Variants in CCDC80 observed in about 807,000 individuals in gnomAD.
The protein encoded by CCDC80 is coiled-coil domain containing 80.
Under a neutral mutation model 78.7 loss-of-function variants are expected in CCDC80, and 49 were observed. That is an observed-to-expected ratio of 0.62 (90% CI 0.50 to 0.79). CCDC80 has a LOEUF of 0.79. Ranked by LOEUF, CCDC80 falls within the 30% of genes least tolerant of loss-of-function variation. The probability of loss-of-function intolerance (pLI) is 0.00; values close to 1 mark genes in which losing one functional copy is unlikely to be tolerated. For synonymous variants in CCDC80, 488 were observed against 447.0 expected (o/e 1.09, Z -1.16); for missense variants, 1,205 against 1,198.6 (o/e 1.01, Z -0.08).
At chr3:112,627,599 T>G (rs963959435) in intron 3 of CCDC80, among the ~76,000 whole-genome samples, 1 of 152,208 alleles carries the variant, frequency 6.6e-6, no homozygotes, top group Non-Finnish European at 1.5e-5. Context: ...GATTTCCAGC[T>G]GAAAGTCAGT....
In CCDC80 at chr3:112,603,701, C is replaced by T. The variant is rs1378231087; in HGVS notation, c.*1716G>A. ...AGATTAATATTTTCGTGCCTGCTAA[C>T]ACAATACCTATTGTGCAGCACAGGA... is the stretch of plus-strand genomic sequence containing the variant. On this transcript the variant is annotated 3_prime_UTR_variant, in exon 8 of 8. Transcript: ENST00000206423. 6.6e-6 allele frequency: 1 copy of T among 151,762 alleles called. No individual in the cohort carries two copies. Among genetic ancestry groups the T allele is most frequent in the Non-Finnish European group, 1.5e-5 (1 of 67,980 alleles). 9.4% of individuals were successfully genotyped at this position (151,762 alleles called of 1,614,324 possible).
intron 3 of CCDC80, among the ~76,000 whole-genome samples, chr3:112,619,855 T>C (rs965769944): frequency 6.6e-6 from 1 of 152,232 alleles, no homozygotes; most frequent in Non-Finnish European, 1.5e-5. Flanking sequence ...GCAACTTGTA[T>C]GTCAGGAAAG....
chr3:112,626,631 T>C (rs2107487228), intron 3 of CCDC80, among the ~76,000 whole-genome samples: 1 of 152,260 alleles, frequency 6.6e-6, no homozygotes, highest in Admixed American at 6.5e-5. Context: ...CACTGCAACC[T>C]CTGCCTCCCA....
intron 6 of CCDC80, among the ~76,000 whole-genome samples, chr3:112,609,306 T>C (rs540911053): frequency 6.9e-4 from 105 of 152,298 alleles, no homozygotes; most frequent in South Asian, 1.0e-3. Context: ...AATAAAAATG[T>C]TTGGTAAATA....
At position 112,638,583 on chromosome 3, in the gene CCDC80, G is replaced by A; in HGVS notation, c.1323C>T (p.Ser441=). The A allele has an allele frequency of 1.9e-6, 3 of 1,614,074 alleles. No individual in the cohort carries two copies. The highest frequency in any genetic ancestry group is 1.7e-5 in the Admixed American group (1 of 60,018). The part of the protein sequence containing the change: ...RRPSKATSLE[S]FTNAPPTTIS... ...TGGTGGTGGGAGGGGCATTTGTGAA[G>A]CTCTCCAAGCTGGTGGCCTTGCTGG... The change falls in exon 2 of 8, where the codon AGC becomes AGT. Residue 441 remains serine, a synonymous_variant. Coordinates refer to ENST00000206423, the MANE Select transcript of CCDC80 (RefSeq NM_199511.3).
intron 2 of CCDC80, among the ~76,000 whole-genome samples, chr3:112,635,077 T>C (rs752479963): frequency 8.5e-5 from 13 of 152,204 alleles, no homozygotes; most frequent in Non-Finnish European, 1.6e-4. Context: ...ATAGGACACC[T>C]GGCTCCACCT....
At chr3:112,614,463 C>T (rs1935691998) in intron 5 of CCDC80, among the ~76,000 whole-genome samples, 2 of 152,034 alleles carry the variant, frequency 1.3e-5, no homozygotes, top group South Asian at 2.1e-4. Context: ...TTTCAATTAT[C>T]GTCATCTGGA....
chr3:112,613,467 G>T (rs998526322), intron 5 of CCDC80, among the ~76,000 whole-genome samples: 1 of 151,932 alleles, frequency 6.6e-6, no homozygotes, highest in African/African-American at 2.4e-5. Flanking sequence ...TAGTACAAAA[G>T]ACTTTATAAT....
chr3:112,621,546 A>G (rs982678933), intron 3 of CCDC80, among the ~76,000 whole-genome samples: 1 of 152,172 alleles, frequency 6.6e-6, no homozygotes, highest in Non-Finnish European at 1.5e-5. Context: ...ATGTGCCACT[A>G]AGGTTTGTGG....
chr3:112,603,101 A>G lies in CCDC80; in HGVS notation c.*2316T>C, dbSNP rs1239953353. 1.3e-5 allele frequency: 2 copies of G among 152,216 alleles called. No homozygotes were observed. Among genetic ancestry groups the G allele is most frequent in the African/African-American group, 4.8e-5 (2 of 41,444 alleles). 9.4% of individuals were successfully genotyped at this position (152,216 alleles called of 1,614,324 possible). A position where few individuals can be genotyped will look rare whatever the true frequency, so the allele number is the denominator to read the frequency against. ...ACTTTTCAGAATTATGCTAAATCTA[A>G]TCTGCCTGTGCTCTATAAATGGAGC... On this transcript the variant is annotated 3_prime_UTR_variant, in exon 8 of 8. Coordinates refer to ENST00000206423, the MANE Select transcript of CCDC80 (RefSeq NM_199511.3).
Position 112,598,757 on chromosome 3 carries a change from C to A in CCDC80, c.*6660G>T, listed in dbSNP as rs986883. 149,482 of 152,176 alleles carry A rather than the reference C, an allele frequency of 0.98. 73,424 individuals carry two copies. The highest frequency in any genetic ancestry group is 0.99 in the Admixed American group (15,184 of 15,284). The allele number at this position is 152,176 out of a possible 1,614,324, so 9.4% of individuals were successfully genotyped here. On this transcript the variant is annotated 3_prime_UTR_variant, in exon 8 of 8. Transcript: ENST00000206423. ...AACAAATATGTCCCTTATTAGAGGG[C>A]CTCTTTAGATGTTTAGGGTACTCAC...
chr3:112,607,031 C>A (rs111574691), intron 7 of CCDC80, 145 bp downstream of exon 7: 8 of 583,384 alleles, frequency 1.4e-5, no homozygotes, highest in Non-Finnish European at 2.4e-5. Flanking sequence ...CACACACAGG[C>A]ACACATGCAC....
Position 112,602,534 on chromosome 3 carries a change from AC to A in CCDC80, c.*2882del, listed in dbSNP as rs1935391195. 1 of 152,260 alleles carries A rather than the reference AC, an allele frequency of 6.6e-6. No homozygotes were observed. Among genetic ancestry groups the A allele is most frequent in the African/African-American group, 2.4e-5 (1 of 41,474 alleles). The allele number at this position is 152,260 out of a possible 1,614,324, so 9.4% of individuals were successfully genotyped here. A position where few individuals can be genotyped will look rare whatever the true frequency, so the allele number is the denominator to read the frequency against. On this transcript the variant is annotated 3_prime_UTR_variant, in exon 8 of 8. Coordinates refer to ENST00000206423, the MANE Select transcript of CCDC80 (RefSeq NM_199511.3). ...GTTCTTGAAGGAAATTAAAAGTGCTACTTTGTGAATGCATGAATGATAAAAA... is the reference window on the plus strand; with the variant it reads ...GTTCTTGAAGGAAATTAAAAGTGCTATTTGTGAATGCATGAATGATAAAAA...
At position 112,638,811 on chromosome 3, in the gene CCDC80, C is replaced by A. The variant is rs748668878; in HGVS notation, c.1095G>T (p.Thr365=). 2 of 1,613,532 alleles carry A rather than the reference C, an allele frequency of 1.2e-6. No homozygotes were observed. Among genetic ancestry groups the A allele is most frequent in the Non-Finnish European group, 1.7e-6 (2 of 1,179,960 alleles). The change falls in exon 2 of 8, where the codon ACG becomes ACT. Residue 365 remains threonine (T), a synonymous_variant. Transcript: ENST00000206423. ...TTGCAGCAACTGTTACCGCCCGGGACGTGGACCGAGTCACTGTTGTGGCTG... is the reference window on the plus strand; with the variant it reads ...TTGCAGCAACTGTTACCGCCCGGGAAGTGGACCGAGTCACTGTTGTGGCTG... ...PAPATTVTRS[T]SRAVTVAARP...
intron 5 of CCDC80, among the ~76,000 whole-genome samples, chr3:112,612,828 A>G (rs1242844275): frequency 6.7e-6 from 1 of 150,364 alleles, no homozygotes; most frequent in African/African-American, 2.5e-5. Flanking sequence ...TTGAAGGAAA[A>G]TTCCCATTTG....
chr3:112,600,092 T>TTTCAAGACAGAGA lies in CCDC80; in HGVS notation c.*5324_*5325insTCTCTGTCTTGAA, dbSNP rs1935348280. 2 of 152,218 alleles carry TTTCAAGACAGAGA rather than the reference T, an allele frequency of 1.3e-5. No homozygotes were observed. The highest frequency in any genetic ancestry group is 3.8e-4 in the East Asian group (2 of 5,200). The allele number at this position is 152,218 out of a possible 1,614,324, so 9.4% of individuals were successfully genotyped here. A position where few individuals can be genotyped will look rare whatever the true frequency, so the allele number is the denominator to read the frequency against. On this transcript the variant is annotated 3_prime_UTR_variant, in exon 8 of 8. Coordinates refer to ENST00000206423, the MANE Select transcript of CCDC80 (RefSeq NM_199511.3). ...ACTACTCAGATTTGAAACTACCTAG[T>TTTCAAGACAGAGA]TTATACTACCAGAAGACAGAGATTC...
At chr3:112,611,290 A>G (rs763308763) in intron 5 of CCDC80, among the ~76,000 whole-genome samples, 4 of 152,130 alleles carry the variant, frequency 2.6e-5, no homozygotes, top group East Asian at 1.9e-4. Context: ...AAATCTATCA[A>G]TGCAAGTTAT....
At chr3:112,616,685 T>C in intron 5 of CCDC80, 25 bp downstream of exon 5, 1 of 1,613,624 alleles carries the variant, frequency 6.2e-7, no homozygotes. Flanking sequence ...CACCTTCCTC[T>C]TTAGCGACTC....
intron 3 of CCDC80, among the ~76,000 whole-genome samples, chr3:112,627,451 T>A (rs952325087): frequency 6.6e-6 from 1 of 152,254 alleles, no homozygotes. Flanking sequence ...GTCCAAATAC[T>A]TTTAGCAAGA....
Sources: allele counts gnomAD v4.1 joint callset (sites outside exome capture counted in the v4.1 genomes callset), GRCh38; gene constraint gnomAD v4.1.1; transcripts MANE v1.5; gene names NCBI Gene and HGNC (gene_info 2026-07-23, HGNC 2026-07-21).